Variants in MACF1 observed in about 807,000 individuals in gnomAD.
MACF1 encodes microtubule actin crosslinking factor 1.
In MACF1, 193 loss-of-function variants were observed where a neutral mutation model predicts 854.8. The ratio of observed to expected loss-of-function variants is 0.23; its 90% CI spans 0.20 to 0.25. The LOEUF is 0.25. MACF1 is among the 10% of genes least tolerant of loss of function. The pLI, the probability that MACF1 is intolerant of heterozygous loss-of-function variation, is 1.00. For synonymous variants in MACF1, 3,185 were observed against 3,226.7 expected (o/e 0.99, Z 0.44); for missense variants, 7,722 against 8,929.1 (o/e 0.86, Z 5.45).
intron 27 of MACF1, 46 bp downstream of exon 27, chr1:39,315,737 G>A (rs1299332591): frequency 2.5e-6 from 4 of 1,576,038 alleles, no homozygotes; most frequent in South Asian, 2.3e-5. Context: ...TTTTCCATTG[G>A]GATAAGAAAG....
In MACF1 at chr1:39,347,214, A is replaced by G. The variant is rs1423378828; in HGVS notation, c.10815+4A>G. On this transcript the variant is annotated splice_donor_region_variant and intron_variant, in intron 41 of 100. Coordinates refer to ENST00000564288, the MANE Select transcript of MACF1 (RefSeq NM_001394062.1). ...GGAGCAGGAAGCCCTGGTGAAGGTC[A>G]GACTGAACCAGCAGCTGGGCTCAGT... 7 of 1,601,776 alleles carry G rather than the reference A, an allele frequency of 4.4e-6. No individual in the cohort carries two copies. Among genetic ancestry groups the G allele is most frequent in the Middle Eastern group, 1.7e-4 (1 of 5,758 alleles).
intron 44 of MACF1, among the ~76,000 whole-genome samples, chr1:39,355,729 G>A (rs1647498543): frequency 6.6e-6 from 1 of 152,064 alleles, no homozygotes; most frequent in Non-Finnish European, 1.5e-5. Context: ...CTCCCAAAGT[G>A]CTGGGATTAT....
chr1:39,446,320 A>G (rs1463651365), intron 80 of MACF1, among the ~76,000 whole-genome samples: 1 of 120,774 alleles, frequency 8.3e-6, no homozygotes, highest in Admixed American at 7.6e-5. Flanking sequence ...TAAAGTAGAT[A>G]TAAAAAATAT....
intron 65 of MACF1, 89 bp downstream of exon 65, chr1:39,430,157 C>A: frequency 7.1e-7 from 1 of 1,405,842 alleles, no homozygotes. Flanking sequence ...TAAATATAAA[C>A]TAAAAATATG....
At position 39,331,631 on chromosome 1, in the gene MACF1, T is replaced by C; in HGVS notation, c.5043T>C (p.Ile1681=). 1 of 1,614,220 alleles carries C rather than the reference T, an allele frequency of 6.2e-7. No homozygotes were observed. The highest frequency in any genetic ancestry group is 8.5e-7 in the Non-Finnish European group (1 of 1,180,028). The change falls in exon 37 of 101, where the codon ATT becomes ATC. Residue 1681 remains isoleucine, a synonymous_variant. Transcript: ENST00000564288. The stretch of plus-strand genomic sequence containing the variant: ...AAGAGGCTTTTCATCAAGGCCTCAT[T>C]TCTGCATGGCTTCATTCAGTATTAG... The part of the protein sequence containing the change: ...NLEEAFHQGL[I]SAWLHSVLES...
At chr1:39,427,908 T>C in intron 62 of MACF1, 53 bp from the exon 63 acceptor site, 2 of 1,355,854 alleles carry the variant, frequency 1.5e-6, no homozygotes, top group Non-Finnish European at 2.0e-6. Flanking sequence ...ATTTTGTGTT[T>C]ACTTTTCATT....
chr1:39,469,420 C>A, intron 96 of MACF1, 127 bp from the exon 97 acceptor site: 1 of 701,446 alleles, frequency 1.4e-6, no homozygotes. Flanking sequence ...TTGCCTTTTT[C>A]CTGTTAGCAG....
upstream of MACF1, among the ~76,000 whole-genome samples, chr1:39,203,584 A>G (rs1264335990): frequency 6.6e-6 from 1 of 152,176 alleles, no homozygotes; most frequent in Non-Finnish European, 1.5e-5. Context: ...CCATCCTCTT[A>G]CAGTTATTTT....
chr1:39,310,236 T>G lies in MACF1; in HGVS notation c.2917-9T>G, dbSNP rs767549257. On this transcript the variant is annotated splice_polypyrimidine_tract_variant and intron_variant, in intron 24 of 100. Coordinates refer to ENST00000564288, the MANE Select transcript of MACF1 (RefSeq NM_001394062.1). ...TCTGTTGCAATTTCTTCTGGCTTTTTCTTTCTAGCTTCGATCCTCAGCACC... is the reference window on the plus strand; with the variant it reads ...TCTGTTGCAATTTCTTCTGGCTTTTGCTTTCTAGCTTCGATCCTCAGCACC... 1.9e-6 allele frequency: 3 copies of G among 1,594,234 alleles called. No homozygotes were observed. The highest frequency in any genetic ancestry group is 3.7e-5 in the Admixed American group (2 of 54,470).
At chr1:39,187,866 G>GTCTCTCTCTCTCTCTGTCTCTC (rs1644194720) in intron 2 of MACF1, among the ~76,000 whole-genome samples, 4 of 124,442 alleles carry the variant, frequency 3.2e-5, no homozygotes, top group African/African-American at 9.4e-5. Flanking sequence ...CTCTCTCTCT[G>GTCTCTCTCTCTCTCTGTCTCTC]TCTCTCTCTC....
At position 39,452,216 on chromosome 1, in the gene MACF1, C is replaced by A. The variant is rs1746838; in HGVS notation, c.20479C>A (p.Arg6827=). The change falls in exon 86 of 101, where the codon CGA becomes AGA. Residue 6827 remains arginine (R), a synonymous_variant. Transcript: ENST00000564288. ...GTVQVLKRSG[R]ELIENSRDDT... ...CGTTCAGGTCCTGAAGCGGTCAGGC[C>A]GAGAGCTGATTGAGAATAGTCGAGA... The A allele has an allele frequency of 0.045, 71,868 of 1,613,990 alleles. 1,861 individuals carry two copies. Among genetic ancestry groups the A allele is most frequent in the African/African-American group, 0.098 (7,314 of 74,996 alleles).
intron 58 of MACF1, among the ~76,000 whole-genome samples, chr1:39,392,097 C>T (rs1478628467): frequency 6.6e-6 from 1 of 152,188 alleles, no homozygotes; most frequent in Non-Finnish European, 1.5e-5. Flanking sequence ...AGCCCTGTTC[C>T]ACCTGTCCAC....
At chr1:39,240,980 T>G (rs1346139547) in intron 2 of MACF1, among the ~76,000 whole-genome samples, 1 of 152,026 alleles carries the variant, frequency 6.6e-6, no homozygotes, top group Non-Finnish European at 1.5e-5. Flanking sequence ...GATTCCCAGC[T>G]GCTACTTTTA....
At chr1:39,323,032 C>A in intron 33 of MACF1, 24 bp downstream of exon 33, 2 of 1,604,720 alleles carry the variant, frequency 1.2e-6, no homozygotes, top group South Asian at 2.2e-5. Context: ...GGTCCAAAGT[C>A]ATCTTGAAAG....
chr1:39,337,146 G>A (rs201328847), intron 37 of MACF1, 36 bp from the exon 38 acceptor site: 31 of 1,593,220 alleles, frequency 1.9e-5, no homozygotes, highest in South Asian at 2.3e-5. Context: ...ACAGGAGAAC[G>A]TCAGAACTGA....
At chr1:39,455,718 TC>T (rs1644422603) in intron 89 of MACF1, among the ~76,000 whole-genome samples, 1 of 152,098 alleles carries the variant, frequency 6.6e-6, no homozygotes, top group African/African-American at 2.4e-5. Context: ...GTCCCACTGG[TC>T]CCCATTATAC....
chr1:39,411,599 A>C, intron 58 of MACF1: 2 of 1,613,922 alleles, frequency 1.2e-6, no homozygotes, highest in Non-Finnish European at 1.7e-6. Context: ...CTTGTTTCAG[A>C]TTCAGCATGT....
chr1:39,380,411 A>G (rs1468789826), intron 55 of MACF1, 38 bp downstream of exon 55: 1 of 1,587,486 alleles, frequency 6.3e-7, no homozygotes, highest in Non-Finnish European at 8.6e-7. Context: ...TTGCTAAGTT[A>G]CTTGTCTTCA....
intron 58 of MACF1, chr1:39,414,188 T>C (rs1643179773): frequency 6.2e-7 from 1 of 1,609,702 alleles, no homozygotes; most frequent in African/African-American, 1.4e-5. Context: ...GTGGCTGCCA[T>C]CCCTGCTGCT....
Sources: allele counts gnomAD v4.1 joint callset (sites outside exome capture counted in the v4.1 genomes callset), GRCh38; gene constraint gnomAD v4.1.1; transcripts MANE v1.5; gene names NCBI Gene and HGNC (gene_info 2026-07-23, HGNC 2026-07-21).